TRPS1: variants seen among roughly 807,000 people sequenced by gnomAD.
TRPS1 encodes zinc finger transcription factor Trps1.
A neutral mutation model predicts 101.2 loss-of-function variants in TRPS1; 6 were observed. The ratio of observed to expected loss-of-function variants is 0.06; its 90% CI spans 0.03 to 0.12. The LOEUF is 0.12. Among genes scored for constraint, TRPS1 ranks in the 10% least tolerant of loss-of-function variants. The pLI is 1.00. For synonymous variants in TRPS1, 578 were observed against 589.8 expected (o/e 0.98, Z 0.29); for missense variants, 1,363 against 1,567.0 (o/e 0.87, Z 2.20).
At chr8:115,630,130 T>C (rs1818606674) in intron 1 of TRPS1, among the ~76,000 whole-genome samples, 1 of 151,838 alleles carries the variant, frequency 6.6e-6, no homozygotes, top group African/African-American at 2.4e-5. Context: ...CAAAGCCAGA[T>C]AGAGTGGTGA....
intron 5 of TRPS1, among the ~76,000 whole-genome samples, chr8:115,569,970 T>C (rs1264727444): frequency 3.9e-5 from 6 of 152,140 alleles, no homozygotes; most frequent in African/African-American, 1.2e-4. Flanking sequence ...AAATAGACTT[T>C]TTAGGTTTGA....
rs1813108401 is a variant in TRPS1, at chr8:115,423,097, T to C, written c.2701-4645A>G. Reference sequence around the variant, plus strand: ...AGTTCACCTTCCACATCTACGTGGTTTGAACAGAGGGCAAGAGTGAAGGAG... The same window carrying C: ...AGTTCACCTTCCACATCTACGTGGTCTGAACAGAGGGCAAGAGTGAAGGAG... On this transcript the variant is annotated intron_variant, in intron 5 of 6. Coordinates refer to ENST00000395715, the MANE Select transcript of TRPS1 (RefSeq NM_014112.5). Among the ~76,000 whole-genome samples, 3 of 152,170 alleles carry C rather than the reference T, an allele frequency of 2.0e-5. No homozygotes were observed. The South Asian group carries it at 6.2e-4, about 32-fold the overall frequency.
intron 5 of TRPS1, among the ~76,000 whole-genome samples, chr8:115,445,874 A>C (rs1335571959): frequency 4.6e-5 from 7 of 152,210 alleles, no homozygotes; most frequent in African/African-American, 1.7e-4. Context: ...TTTAACATAA[A>C]ATGTAACACG....
chr8:115,648,374 C>CA (rs1811474205), intron 1 of TRPS1, among the ~76,000 whole-genome samples: 1 of 152,222 alleles, frequency 6.6e-6, no homozygotes, highest in Non-Finnish European at 1.5e-5. Flanking sequence ...ACAACTGCTT[C>CA]CGCAGGACTT....
intron 5 of TRPS1, among the ~76,000 whole-genome samples, chr8:115,521,994 G>A (rs1029905287): frequency 3.3e-5 from 5 of 151,678 alleles, no homozygotes; most frequent in Admixed American, 6.6e-5. Flanking sequence ...CAACAATGTC[G>A]AGCACTGAGA....
intron 1 of TRPS1, among the ~76,000 whole-genome samples, chr8:115,633,059 T>C (rs1429404651): frequency 6.6e-6 from 1 of 152,194 alleles, no homozygotes; most frequent in Non-Finnish European, 1.5e-5. Flanking sequence ...AGAGAAACCT[T>C]TGAGCTGCGA....
At chr8:115,559,405 T>C (rs1416661706) in intron 5 of TRPS1, among the ~76,000 whole-genome samples, 1 of 152,200 alleles carries the variant, frequency 6.6e-6, no homozygotes, top group Non-Finnish European at 1.5e-5. Flanking sequence ...GTGTCAATCT[T>C]AGGGTTATAA....
At chr8:115,632,166 G>A (rs1389271715) in intron 1 of TRPS1, among the ~76,000 whole-genome samples, 1 of 152,006 alleles carries the variant, frequency 6.6e-6, no homozygotes, top group African/African-American at 2.4e-5. Flanking sequence ...GATTATGTAT[G>A]TTTTATACAT....
intron 1 of TRPS1, among the ~76,000 whole-genome samples, chr8:115,639,780 G>C (rs1464363331): frequency 6.6e-6 from 1 of 152,190 alleles, no homozygotes; most frequent in Non-Finnish European, 1.5e-5. Flanking sequence ...AGTGAGCTGA[G>C]ATCGTGCCAC....
At chr8:115,602,782 GCA>G (rs1817938635) in intron 4 of TRPS1, among the ~76,000 whole-genome samples, 3 of 152,090 alleles carry the variant, frequency 2.0e-5, no homozygotes, top group Non-Finnish European at 4.4e-5. Flanking sequence ...ATGCTGAAAG[GCA>G]TAATAATGAG....
At chr8:115,440,170 TG>T (rs1463535138) in intron 5 of TRPS1, among the ~76,000 whole-genome samples, 1 of 152,222 alleles carries the variant, frequency 6.6e-6, no homozygotes, top group Non-Finnish European at 1.5e-5. Context: ...GTCATCTATG[TG>T]GGCGATTTCT....
intron 5 of TRPS1, among the ~76,000 whole-genome samples, chr8:115,514,102 C>A (rs1400401071): frequency 2.0e-5 from 3 of 151,718 alleles, no homozygotes; most frequent in Non-Finnish European, 4.4e-5. Context: ...ATGCCTATTG[C>A]AGGACATATG....
At chr8:115,485,604 T>C (rs1308469338) in intron 5 of TRPS1, among the ~76,000 whole-genome samples, 1 of 152,162 alleles carries the variant, frequency 6.6e-6, no homozygotes, top group Non-Finnish European at 1.5e-5. Flanking sequence ...ATGTTGCCTA[T>C]ATATATCATC....
chr8:115,654,033 T>C (rs971930341), intron 1 of TRPS1, among the ~76,000 whole-genome samples: 1 of 152,232 alleles, frequency 6.6e-6, no homozygotes, highest in Non-Finnish European at 1.5e-5. Flanking sequence ...CATTCACCCT[T>C]TGGACTATAC....
intron 5 of TRPS1, among the ~76,000 whole-genome samples, chr8:115,424,564 A>T (rs1813144280): frequency 6.6e-6 from 1 of 152,226 alleles, no homozygotes; most frequent in Non-Finnish European, 1.5e-5. Flanking sequence ...GAAATTGTTC[A>T]TGAACATTGA....
chr8:115,660,706 A>G (rs1216109631), intron 1 of TRPS1, among the ~76,000 whole-genome samples: 1 of 151,916 alleles, frequency 6.6e-6, no homozygotes, highest in Non-Finnish European at 1.5e-5. Flanking sequence ...CTAACAATAA[A>G]TCATTTGTTT....
chr8:115,488,009 C>G (rs1414648017), intron 5 of TRPS1, among the ~76,000 whole-genome samples: 1 of 152,046 alleles, frequency 6.6e-6, no homozygotes, highest in East Asian at 1.9e-4. Context: ...AAAGAAGAGT[C>G]AATTGATGCA....
chr8:115,506,162 T>C (rs1227327323), intron 5 of TRPS1, among the ~76,000 whole-genome samples: 1 of 151,952 alleles, frequency 6.6e-6, no homozygotes, highest in Non-Finnish European at 1.5e-5. Context: ...TAAAATTAAG[T>C]TAAAAGAAAT....
At chr8:115,544,179 T>C (rs966594380) in intron 5 of TRPS1, among the ~76,000 whole-genome samples, 1 of 150,030 alleles carries the variant, frequency 6.7e-6, no homozygotes, top group Non-Finnish European at 1.5e-5. Flanking sequence ...AAGGATCTAG[T>C]ATGAAATCTC....
Sources: allele counts gnomAD v4.1 joint callset (sites outside exome capture counted in the v4.1 genomes callset), GRCh38; gene constraint gnomAD v4.1.1; transcripts MANE v1.5; gene names NCBI Gene and HGNC (gene_info 2026-07-23, HGNC 2026-07-21).